PLAAT2: variants seen among roughly 807,000 people sequenced by gnomAD.
PLAAT2 encodes the protein phospholipase A and acyltransferase 2, also known as HRAS like suppressor 2.
PLAAT2 carries 12 observed loss-of-function variants against 12.8 expected under a neutral mutation model. The ratio of observed to expected loss-of-function variants is 0.94; its 90% CI spans 0.60 to 1.52. The LOEUF is 1.52. Among genes scored for constraint, PLAAT2 ranks in the 40% most tolerant of loss-of-function variants. The pLI is 0.00. For missense variants in PLAAT2, 166 were observed against 208.1 expected, an observed-to-expected ratio of 0.80 and a Z score of 1.24; for synonymous variants, 79 against 86.8, an observed-to-expected ratio of 0.91 and a Z score of 0.50.
At chr11:63,564,390 G>C (rs2017545772), upstream of PLAAT2, among the ~76,000 whole-genome samples, 1 of 151,638 alleles carries the variant, frequency 6.6e-6, no homozygotes, top group Non-Finnish European at 1.5e-5. Context: ...GGTGGGGCTG[G>C]GGGGAGCTGA....
At chr11:63,560,952 C>T (rs1326915506) in intron 1 of PLAAT2, among the ~76,000 whole-genome samples, 2 of 152,102 alleles carry the variant, frequency 1.3e-5, no homozygotes, top group Admixed American at 6.5e-5. Context: ...TGCATGGGTG[C>T]GAGGAATGTT....
At chr11:63,558,991 T>C (rs1023356350) in intron 2 of PLAAT2, among the ~76,000 whole-genome samples, 8 of 152,190 alleles carry the variant, frequency 5.3e-5, no homozygotes, top group Non-Finnish European at 2.9e-5. Flanking sequence ...TAGTCCCAAC[T>C]GCCGCTCACT....
intron 3 of PLAAT2, 140 bp from the exon 4 acceptor site, chr11:63,553,205 G>C: frequency 3.3e-6 from 2 of 597,230 alleles, no homozygotes; most frequent in Admixed American, 6.2e-5. Context: ...TATTGGCTGG[G>C]AGAGGGGATG....
At chr11:63,563,707 G>A (rs2017539427), upstream of PLAAT2, among the ~76,000 whole-genome samples, 1 of 108,672 alleles carries the variant, frequency 9.2e-6, no homozygotes, top group East Asian at 2.9e-4. Context: ...GGCAGGGCGA[G>A]ACTCAGTCAA....
At chr11:63,563,432 A>C, upstream of PLAAT2, 1 of 1,441,758 alleles carries the variant, frequency 6.9e-7, no homozygotes, top group South Asian at 1.2e-5. Flanking sequence ...CTATTTCAGA[A>C]CATAGGCTGG....
chr11:63,557,961 G>A (rs903609428), intron 3 of PLAAT2, among the ~76,000 whole-genome samples: 2 of 152,130 alleles, frequency 1.3e-5, no homozygotes, highest in Non-Finnish European at 2.9e-5. Context: ...CTTGATCGGG[G>A]CCCTTGGAGA....
intron 3 of PLAAT2, among the ~76,000 whole-genome samples, chr11:63,555,466 T>C (rs189488618): frequency 6.6e-6 from 1 of 152,290 alleles, no homozygotes; most frequent in East Asian, 1.9e-4. Flanking sequence ...GGCAGGTGGA[T>C]CACTTAAGCC....
chr11:63,555,687 CAG>C lies in PLAAT2; in HGVS notation c.388-2624_388-2623del, dbSNP rs1199497640. ...CACCTCTGCACTCCAGCCTGGGTGA[CAG>C]AGTGAGATGCTGTCTCGAAAATAAA... On this transcript the variant is annotated intron_variant, in intron 3 of 3. Coordinates refer to ENST00000255695, the MANE Select transcript of PLAAT2 (RefSeq NM_017878.2). Among the ~76,000 whole-genome samples, 8 of 152,308 alleles carry C rather than the reference CAG, an allele frequency of 5.3e-5. No homozygotes were observed. In the East Asian group the frequency reaches 1.5e-3, roughly 29 times the overall value.
At chr11:63,559,641 A>G (rs2017500128) in intron 2 of PLAAT2, among the ~76,000 whole-genome samples, 1 of 152,120 alleles carries the variant, frequency 6.6e-6, no homozygotes, top group Admixed American at 6.5e-5. Context: ...GTGAAGCCGC[A>G]TGCTCAAGGC....
chr11:63,556,561 C>G (rs989447179), intron 3 of PLAAT2, among the ~76,000 whole-genome samples: 1 of 152,164 alleles, frequency 6.6e-6, no homozygotes, highest in Non-Finnish European at 1.5e-5. Context: ...AGGGTTCCCA[C>G]TGAGTACCAG....
intron 1 of PLAAT2, among the ~76,000 whole-genome samples, chr11:63,562,241 T>C (rs1015733396): frequency 9.9e-5 from 15 of 152,080 alleles, no homozygotes; most frequent in African/African-American, 3.4e-4. Context: ...ATAGTTTTGG[T>C]TTTTGGCTTT....
intron 3 of PLAAT2, among the ~76,000 whole-genome samples, chr11:63,554,969 C>T (rs980719317): frequency 6.6e-5 from 10 of 152,184 alleles, no homozygotes; most frequent in Non-Finnish European, 1.0e-4. Flanking sequence ...AGCTGAGCTC[C>T]ATTCCAATTT....
Position 63,558,525 on chromosome 11 carries a change from G to A in PLAAT2, c.254C>T (p.Thr85Ile), listed in dbSNP as rs369662368. 97 of 1,614,126 alleles carry A rather than the reference G, an allele frequency of 6.0e-5. No individual in the cohort carries two copies. The highest frequency in any genetic ancestry group is 8.2e-5 in the Non-Finnish European group (97 of 1,180,056). ...GACGATTTTGTTGGAAGGCAGTGGT[G>A]TGTATCTGTCATCGTGCTTGTTATT... ...RVNNKHDDRY[T>I]PLPSNKIVKR... The change falls in exon 3 of 4, where the codon ACA becomes ATA. Residue 85 changes from threonine (T) to isoleucine (I), a missense_variant. By Grantham distance (89) the Thr-to-Ile change is moderately conservative. Transcript: ENST00000255695.
intron 3 of PLAAT2, 28 bp from the exon 4 acceptor site, chr11:63,553,093 C>T (rs766982890): frequency 1.3e-6 from 2 of 1,496,156 alleles, no homozygotes; most frequent in Non-Finnish European, 1.9e-6. Context: ...GGAGAGCACA[C>T]TCAGCATCAG....
At chr11:63,561,154 A>T (rs1438747997) in intron 1 of PLAAT2, among the ~76,000 whole-genome samples, 1 of 152,220 alleles carries the variant, frequency 6.6e-6, no homozygotes, top group Non-Finnish European at 1.5e-5. Context: ...GTTAAAAGTA[A>T]AGCCTTTCAT....
At chr11:63,564,328 T>A (rs1267963185), upstream of PLAAT2, among the ~76,000 whole-genome samples, 1 of 148,360 alleles carries the variant, frequency 6.7e-6, no homozygotes, top group Non-Finnish European at 1.5e-5. Context: ...GTATCTCTTC[T>A]GTCATCTACA....
chr11:63,562,010 A>T (rs1239526293), intron 1 of PLAAT2, among the ~76,000 whole-genome samples: 1 of 152,238 alleles, frequency 6.6e-6, no homozygotes, highest in African/African-American at 2.4e-5. Flanking sequence ...AAAAGCTGGT[A>T]AATAAAGGAA....
upstream of PLAAT2, among the ~76,000 whole-genome samples, chr11:63,564,569 G>T (rs777208918): frequency 1.1e-4 from 17 of 152,220 alleles, no homozygotes; most frequent in Non-Finnish European, 2.1e-4. Context: ...TACTCCCTCA[G>T]CTCACGTGGT....
intron 2 of PLAAT2, 132 bp downstream of exon 2, chr11:63,559,953 G>A: frequency 1.7e-6 from 1 of 598,400 alleles, no homozygotes; most frequent in Non-Finnish European, 3.0e-6. Flanking sequence ...GCAGGAAAAA[G>A]CACAATTCAT....
Sources: allele counts gnomAD v4.1 joint callset (sites outside exome capture counted in the v4.1 genomes callset), GRCh38; gene constraint gnomAD v4.1.1; transcripts MANE v1.5; gene names NCBI Gene and HGNC (gene_info 2026-07-23, HGNC 2026-07-21).